The following SLC39A12 variants were observed in gnomAD, a reference collection of about 807,000 sequenced individuals.
SLC39A12 encodes solute carrier family 39 member 12.
Under a neutral mutation model 71.1 loss-of-function variants are expected in SLC39A12, and 63 were observed. That is an observed-to-expected ratio of 0.89 (90% CI 0.72 to 1.09). The LOEUF (loss-of-function observed/expected upper bound fraction) is 1.09, where lower values mean the gene tolerates loss of function less well. SLC39A12 is among the 50% of genes least tolerant of loss of function. The pLI is 0.00. For synonymous variants in SLC39A12, 351 were observed against 301.3 expected (o/e 1.16, Z -1.71); for missense variants, 892 against 812.6 (o/e 1.10, Z -1.19).
chr10:17,976,953 G>T (rs1835125628), intron 4 of SLC39A12, among the ~76,000 whole-genome samples: 1 of 151,820 alleles, frequency 6.6e-6, no homozygotes, highest in Admixed American at 6.6e-5. Flanking sequence ...ACTTGCTCTT[G>T]TTACAAGTCT....
rs74228789 is a variant in SLC39A12, at chr10:18,022,468, C to T, written c.1947+19110C>T. ...TATGAAATTTATATAGTGAGTTTTT[C>T]AGTTCTATCAGCTCACTTTTGTTCT... On this transcript the variant is annotated intron_variant, in intron 12 of 12. Coordinates refer to ENST00000377369, the MANE Select transcript of SLC39A12 (RefSeq NM_001145195.2). Among the ~76,000 whole-genome samples, 4 of 152,082 alleles carry T rather than the reference C, an allele frequency of 2.6e-5. No individual in the cohort carries two copies. In the East Asian group the frequency reaches 7.7e-4, roughly 29 times the overall value.
intron 4 of SLC39A12, among the ~76,000 whole-genome samples, chr10:17,974,737 G>A (rs1361015612): frequency 6.6e-6 from 1 of 151,948 alleles, no homozygotes; most frequent in Non-Finnish European, 1.5e-5. Context: ...CACAGCACTG[G>A]GTCTCACCCG....
At position 18,043,016 on chromosome 10, in the gene SLC39A12, C is replaced by G; in HGVS notation, c.*183C>G. 1 of 392,178 alleles carries G rather than the reference C, an allele frequency of 2.5e-6. No individual in the cohort carries two copies. The highest frequency in any genetic ancestry group is 4.2e-6 in the Non-Finnish European group (1 of 240,358). The allele number at this position is 392,178 out of a possible 1,614,324, so 24.3% of individuals were successfully genotyped here. The stretch of plus-strand genomic sequence containing the variant: ...TTTTTGGAAACATATAAATATCAGA[C>G]TGTCCTTAATTGAAATTTTGTCTTT... On this transcript the variant is annotated 3_prime_UTR_variant, in exon 13 of 13. Transcript: ENST00000377369.
chr10:17,986,659 A>G (rs1182198146), intron 6 of SLC39A12, among the ~76,000 whole-genome samples: 1 of 152,254 alleles, frequency 6.6e-6, no homozygotes, highest in African/African-American at 2.4e-5. Context: ...CATTTAGACC[A>G]TAGCAAATCT....
intron 3 of SLC39A12, 43 bp downstream of exon 3, chr10:17,961,905 A>C (rs781938680): frequency 6.4e-7 from 1 of 1,571,774 alleles, no homozygotes; most frequent in Non-Finnish European, 8.6e-7. Context: ...GCTAAGATAC[A>C]GTTCTAGAGC....
intron 12 of SLC39A12, 23 bp from the exon 13 acceptor site, chr10:18,042,682 C>T (rs889817904): frequency 1.3e-6 from 2 of 1,594,128 alleles, no homozygotes; most frequent in Non-Finnish European, 1.7e-6. Context: ...GGATCTTATT[C>T]TGGTTTTTTA....
chr10:17,991,733 T>C (rs1262757352), intron 8 of SLC39A12, among the ~76,000 whole-genome samples: 1 of 152,158 alleles, frequency 6.6e-6, no homozygotes, highest in Non-Finnish European at 1.5e-5. Flanking sequence ...ATTTTGAAAT[T>C]TGCAGCAAAT....
intron 9 of SLC39A12, 27 bp downstream of exon 9, chr10:17,993,318 C>A: frequency 7.2e-7 from 1 of 1,387,574 alleles, no homozygotes; most frequent in Non-Finnish European, 1.0e-6. Flanking sequence ...AAGCATTCTA[C>A]TGATCTGATT....
intron 2 of SLC39A12, among the ~76,000 whole-genome samples, chr10:17,958,863 G>T (rs922127021): frequency 2.0e-5 from 3 of 152,042 alleles, no homozygotes; most frequent in Admixed American, 1.3e-4. Flanking sequence ...GAAATATTTG[G>T]TGGATTATTA....
At chr10:17,972,325 GT>G (rs1196335167) in intron 4 of SLC39A12, among the ~76,000 whole-genome samples, 3 of 152,160 alleles carry the variant, frequency 2.0e-5, no homozygotes, top group African/African-American at 7.2e-5. Context: ...TGGATGAAAT[GT>G]TCTGTAAATA....
chr10:18,003,803 T>C (rs1835910186), intron 12 of SLC39A12, among the ~76,000 whole-genome samples: 1 of 152,260 alleles, frequency 6.6e-6, no homozygotes, highest in Admixed American at 6.5e-5. Flanking sequence ...TAGCCAGCTA[T>C]TTTATTTATA....
At chr10:18,040,887 C>T (rs150604423) in intron 12 of SLC39A12, among the ~76,000 whole-genome samples, 101 of 151,558 alleles carry the variant, frequency 6.7e-4, no homozygotes, top group African/African-American at 2.4e-3. Flanking sequence ...GATTTTTATC[C>T]CCCAGAGAAA....
At chr10:17,953,600 A>G in intron 2 of SLC39A12, 63 bp downstream of exon 2, 15 of 1,550,780 alleles carry the variant, frequency 9.7e-6, no homozygotes, top group Non-Finnish European at 1.3e-5. Flanking sequence ...TGGATTCTAT[A>G]GGGATTTATT....
intron 11 of SLC39A12, chr10:18,002,937 A>G (rs990213636): frequency 6.9e-6 from 3 of 436,634 alleles, no homozygotes; most frequent in African/African-American, 6.0e-5. Flanking sequence ...TGTAGATACA[A>G]TCTTTAGGAG....
intron 12 of SLC39A12, among the ~76,000 whole-genome samples, chr10:18,018,209 G>T (rs1188770619): frequency 2.6e-5 from 4 of 152,174 alleles, no homozygotes; most frequent in Non-Finnish European, 4.4e-5. Flanking sequence ...GAGAAAGGCA[G>T]TTGACTTTTG....
intron 6 of SLC39A12, among the ~76,000 whole-genome samples, chr10:17,984,455 T>C (rs1224923791): frequency 6.6e-6 from 1 of 152,232 alleles, no homozygotes; most frequent in Non-Finnish European, 1.5e-5. Flanking sequence ...TTGTGGTCTT[T>C]TGCAGTTACC....
chr10:17,984,319 A>G (rs926899522), intron 6 of SLC39A12, among the ~76,000 whole-genome samples: 2 of 152,242 alleles, frequency 1.3e-5, no homozygotes, highest in African/African-American at 4.8e-5. Flanking sequence ...GTTATGAAAC[A>G]TTCATTGTCT....
At chr10:18,023,541 C>T (rs889520761) in intron 12 of SLC39A12, among the ~76,000 whole-genome samples, 1 of 151,620 alleles carries the variant, frequency 6.6e-6, no homozygotes, top group Non-Finnish European at 1.5e-5. Flanking sequence ...AAGCCACTGC[C>T]AATGGGAATG....
intron 9 of SLC39A12, among the ~76,000 whole-genome samples, chr10:17,993,888 G>A (rs11596001): frequency 0.09 from 13,634 of 152,236 alleles, 843 homozygotes; most frequent in Non-Finnish European, 0.13. Flanking sequence ...AAATATGAAA[G>A]TAATATATAA....
Sources: gnomAD v4.1 joint callset for allele counts (sites outside exome capture counted in the v4.1 genomes callset) on GRCh38, gnomAD v4.1.1 for gene constraint, MANE v1.5 for transcripts, NCBI Gene and HGNC (gene_info 2026-07-23, HGNC 2026-07-21) for gene names.